SNX29: variants seen among roughly 807,000 people sequenced by gnomAD.
SNX29 encodes the protein sorting nexin 29, also known as sorting nexin-29.
Under a neutral mutation model 102.1 loss-of-function variants are expected in SNX29, and 78 were observed. The observed-to-expected ratio is 0.76, with a 90% CI of 0.64 to 0.92. The LOEUF (loss-of-function observed/expected upper bound fraction) is 0.92, where lower values mean the gene tolerates loss of function less well. Ranked by LOEUF, SNX29 falls within the 40% of genes least tolerant of loss-of-function variation. SNX29 has a pLI of 0.00. For synonymous variants in SNX29, 580 were observed against 414.5 expected, an observed-to-expected ratio of 1.40 and a Z score of -4.85; for missense variants, 1,280 against 1,061.7, an observed-to-expected ratio of 1.21 and a Z score of -2.86.
chr16:12,547,606 G>A (rs2077690440), intron 20 of SNX29, among the ~76,000 whole-genome samples: 1 of 152,016 alleles, frequency 6.6e-6, no homozygotes, highest in Non-Finnish European at 1.5e-5. Context: ...CACGAAGTCA[G>A]CCTCAGCACC....
chr16:12,231,152 C>T lies in SNX29; in HGVS notation c.1678+31469C>T, dbSNP rs138484240. On this transcript the variant is annotated intron_variant, in intron 14 of 20. Coordinates refer to ENST00000566228, the MANE Select transcript of SNX29 (RefSeq NM_032167.5). ...ACAGATGTTAGCCAATGTGCCCTGC[C>T]GGTAATAAGTCATTTAAACATTAAA... is the stretch of plus-strand genomic sequence containing the variant. Among the ~76,000 whole-genome samples the T allele has an allele frequency of 3.3e-3, 495 of 152,236 alleles. 3 individuals carry two copies. The highest frequency in any genetic ancestry group is 0.011 in the African/African-American group (471 of 41,544).
intron 11 of SNX29, among the ~76,000 whole-genome samples, chr16:12,105,757 G>A (rs555919064): frequency 1.8e-4 from 27 of 152,290 alleles, no homozygotes; most frequent in Middle Eastern, 6.8e-3. Flanking sequence ...CCAGCAGTGC[G>A]GTGTGTGGTC....
chr16:12,497,327 T>G (rs1379993533), intron 19 of SNX29, among the ~76,000 whole-genome samples: 4 of 152,256 alleles, frequency 2.6e-5, no homozygotes, highest in Non-Finnish European at 5.9e-5. Flanking sequence ...TCTCGTGGCC[T>G]TGGAGACGAA....
chr16:12,499,869 G>A (rs1022819528), intron 19 of SNX29, among the ~76,000 whole-genome samples: 10 of 152,086 alleles, frequency 6.6e-5, no homozygotes, highest in Non-Finnish European at 1.2e-4. Flanking sequence ...TAGAGACAGG[G>A]CTTTGCTATG....
chr16:12,495,864 C>T (rs895519531), intron 19 of SNX29, among the ~76,000 whole-genome samples: 1 of 152,126 alleles, frequency 6.6e-6, no homozygotes, highest in African/African-American at 2.4e-5. Context: ...ACTGGCCTGG[C>T]AAACATGGTA....
chr16:12,115,455 G>A (rs150891179), intron 11 of SNX29, among the ~76,000 whole-genome samples: 1 of 151,064 alleles, frequency 6.6e-6, no homozygotes, highest in African/African-American at 2.4e-5. Flanking sequence ...GTATAGCCCA[G>A]GCCTTGCCCC....
chr16:12,145,034 T>C (rs2055008613), intron 13 of SNX29, among the ~76,000 whole-genome samples: 1 of 152,218 alleles, frequency 6.6e-6, no homozygotes, highest in African/African-American at 2.4e-5. Context: ...TTGTGGGTTT[T>C]TAAGGATCTG....
chr16:11,978,061 G>A (rs2055341699), intron 1 of SNX29, among the ~76,000 whole-genome samples: 1 of 152,052 alleles, frequency 6.6e-6, no homozygotes, highest in African/African-American at 2.4e-5. Context: ...TTATCTCTGT[G>A]GACCTTTTTT....
At position 12,126,702 on chromosome 16, in the gene SNX29, G is replaced by A. The variant is rs1235433145; in HGVS notation, c.1466+6G>A. ...GAGCTGGAGGAGGAGAACAGGTACCGTGATTTTCAGGCTTGAGGAATAGCC... is the reference window on the plus strand; with the variant it reads ...GAGCTGGAGGAGGAGAACAGGTACCATGATTTTCAGGCTTGAGGAATAGCC... On this transcript the variant is annotated splice_donor_region_variant and intron_variant, in intron 12 of 20. Transcript: ENST00000566228. 3.1e-6 allele frequency: 5 copies of A among 1,613,682 alleles called. No individual in the cohort carries two copies. Among genetic ancestry groups the A allele is most frequent in the South Asian group, 2.2e-5 (2 of 91,024 alleles).
chr16:12,125,348 A>G (rs1318678712), intron 11 of SNX29, among the ~76,000 whole-genome samples: 1 of 152,078 alleles, frequency 6.6e-6, no homozygotes, highest in Non-Finnish European at 1.5e-5. Flanking sequence ...TCTATGATGG[A>G]TTTTTAAAAG....
intron 1 of SNX29, chr16:11,977,789 TC>T (rs1381534751): frequency 6.6e-6 from 1 of 152,316 alleles, no homozygotes; most frequent in Non-Finnish European, 1.5e-5. Flanking sequence ...GCTAAGTCAT[TC>T]CTGGGTGTTG....
chr16:12,120,966 T>C (rs983241833), intron 11 of SNX29, among the ~76,000 whole-genome samples: 10 of 152,230 alleles, frequency 6.6e-5, no homozygotes, highest in African/African-American at 2.4e-4. Flanking sequence ...CTTGAACTTA[T>C]GATTAACGTG....
chr16:12,436,189 G>A (rs1358771355), intron 18 of SNX29, among the ~76,000 whole-genome samples: 3 of 152,158 alleles, frequency 2.0e-5, no homozygotes, highest in Non-Finnish European at 4.4e-5. Flanking sequence ...GCTATGCTCT[G>A]CTGCAGCCCC....
At chr16:12,055,357 T>C (rs974756957) in intron 8 of SNX29, among the ~76,000 whole-genome samples, 1 of 151,806 alleles carries the variant, frequency 6.6e-6, no homozygotes, top group Non-Finnish European at 1.5e-5. Flanking sequence ...TCTCAGCCTC[T>C]CGAGTAGCTG....
intron 18 of SNX29, among the ~76,000 whole-genome samples, chr16:12,412,912 A>T (rs2084463449): frequency 6.6e-6 from 1 of 152,194 alleles, no homozygotes; most frequent in Non-Finnish European, 1.5e-5. Context: ...CTAGCCACTC[A>T]TGTTTCTGCT....
intron 20 of SNX29, among the ~76,000 whole-genome samples, chr16:12,560,202 A>C (rs940941383): frequency 2.3e-5 from 3 of 133,328 alleles, no homozygotes; most frequent in Non-Finnish European, 4.6e-5. Flanking sequence ...TTGTGCTTGT[A>C]GAAGAGCAAC....
chr16:12,303,374 AGT>A (rs1293042396), intron 15 of SNX29, among the ~76,000 whole-genome samples: 1 of 152,254 alleles, frequency 6.6e-6, no homozygotes. Context: ...ATTTTTAAAA[AGT>A]GTGTTACAGC....
chr16:12,293,160 T>A (rs1430412515), intron 15 of SNX29, among the ~76,000 whole-genome samples: 1 of 152,230 alleles, frequency 6.6e-6, no homozygotes, highest in South Asian at 2.1e-4. Context: ...CAGGCCAGTC[T>A]TGAACTCCTG....
chr16:12,222,036 A>G (rs900040642), intron 14 of SNX29, among the ~76,000 whole-genome samples: 1 of 152,168 alleles, frequency 6.6e-6, no homozygotes, highest in Non-Finnish European at 1.5e-5. Context: ...AAAAGCTAAA[A>G]TTTAAGTAGT....
Sources: allele counts gnomAD v4.1 joint callset (sites outside exome capture counted in the v4.1 genomes callset), GRCh38; gene constraint gnomAD v4.1.1; transcripts MANE v1.5; gene names NCBI Gene and HGNC (gene_info 2026-07-23, HGNC 2026-07-21).